The following NMNAT2 variants were observed in gnomAD, a reference collection of about 807,000 sequenced individuals.
NMNAT2 encodes nicotinamide nucleotide adenylyltransferase 2, also known as nicotinamide/nicotinic acid mononucleotide adenylyltransferase 2.
Under a neutral mutation model 41.6 loss-of-function variants are expected in NMNAT2, and 11 were observed. The observed-to-expected ratio is 0.26, with a 90% CI of 0.17 to 0.44. The LOEUF (loss-of-function observed/expected upper bound fraction) is 0.44, where lower values mean the gene tolerates loss of function less well. Ranked by LOEUF, NMNAT2 falls within the 20% of genes least tolerant of loss-of-function variation. The pLI, the probability that NMNAT2 is intolerant of heterozygous loss-of-function variation, is 1.00. For missense variants in NMNAT2, 288 were observed against 407.7 expected, an observed-to-expected ratio of 0.71 and a Z score of 2.53; for synonymous variants, 148 against 151.2, an observed-to-expected ratio of 0.98 and a Z score of 0.16.
intron 1 of NMNAT2, among the ~76,000 whole-genome samples, chr1:183,343,136 C>A (rs1401888620): frequency 6.6e-6 from 1 of 152,134 alleles, no homozygotes; most frequent in South Asian, 2.1e-4. Context: ...ACCCCTGGGC[C>A]TTTGAGGCCA....
At chr1:183,269,260 A>C (rs1259228162) in intron 8 of NMNAT2, among the ~76,000 whole-genome samples, 1 of 152,220 alleles carries the variant, frequency 6.6e-6, no homozygotes, top group Non-Finnish European at 1.5e-5. Flanking sequence ...TGTTTAAATA[A>C]ACTAGGCGGG....
intron 1 of NMNAT2, among the ~76,000 whole-genome samples, chr1:183,415,379 G>T (rs1649226148): frequency 6.6e-6 from 1 of 152,148 alleles, no homozygotes; most frequent in South Asian, 2.1e-4. Flanking sequence ...ATAAATAACT[G>T]GTTTCTTTAG....
In NMNAT2 at chr1:183,346,745, G is replaced by A. The variant is rs147456290; in HGVS notation, c.86-52952C>T. Among the ~76,000 whole-genome samples the A allele has an allele frequency of 3.9e-3, 593 of 152,136 alleles. 1 individual carries two copies. The highest frequency in any genetic ancestry group is 6.7e-3 in the Non-Finnish European group (456 of 68,000). On this transcript the variant is annotated intron_variant, in intron 1 of 10. Coordinates refer to ENST00000287713, the MANE Select transcript of NMNAT2 (RefSeq NM_015039.4). ...ACCAATTTCCTCTGCTCAGCTCATCGGAACACTCATTCTGTTTCACAGAAC... is the reference window on the plus strand; with the variant it reads ...ACCAATTTCCTCTGCTCAGCTCATCAGAACACTCATTCTGTTTCACAGAAC...
At chr1:183,276,304 A>G (rs548001) in intron 8 of NMNAT2, among the ~76,000 whole-genome samples, 147,406 of 152,282 alleles carry the variant, frequency 0.97, 71,539 homozygotes, top group East Asian at 1. Flanking sequence ...AACAGCTACT[A>G]GTTTCTCAGA....
intron 1 of NMNAT2, among the ~76,000 whole-genome samples, chr1:183,373,147 C>T (rs559515490): frequency 7.9e-5 from 12 of 152,226 alleles, no homozygotes; most frequent in Non-Finnish European, 1.3e-4. Flanking sequence ...GAGGCCCAGG[C>T]CATTCCCTCC....
chr1:183,415,409 A>T (rs1487942914), intron 1 of NMNAT2, among the ~76,000 whole-genome samples: 1 of 152,238 alleles, frequency 6.6e-6, no homozygotes, highest in Non-Finnish European at 1.5e-5. Flanking sequence ...AAAGATCTTA[A>T]GGAAAAGCAC....
At chr1:183,344,199 A>C (rs1284428811) in intron 1 of NMNAT2, among the ~76,000 whole-genome samples, 1 of 152,212 alleles carries the variant, frequency 6.6e-6, no homozygotes, top group Non-Finnish European at 1.5e-5. Flanking sequence ...ATTATGTGTT[A>C]GCACTGTGCT....
chr1:183,363,703 T>A (rs188030490), intron 1 of NMNAT2, among the ~76,000 whole-genome samples: 1 of 152,116 alleles, frequency 6.6e-6, no homozygotes, highest in Non-Finnish European at 1.5e-5. Context: ...AGGAATTGAA[T>A]TGTAACCCCT....
chr1:183,292,297 G>T (rs1026314553), intron 3 of NMNAT2, among the ~76,000 whole-genome samples: 1 of 152,228 alleles, frequency 6.6e-6, no homozygotes, highest in African/African-American at 2.4e-5. Context: ...CCACCCAGTG[G>T]GTGTGATTTG....
Position 183,389,797 on chromosome 1 carries a change from A to G in NMNAT2, c.85+28386T>C, listed in dbSNP as rs929491461. On this transcript the variant is annotated intron_variant, in intron 1 of 10. Transcript: ENST00000287713. The stretch of plus-strand genomic sequence containing the variant: ...GAAAGAAAGAAAGAAAGAAAGAAAG[A>G]AAGAAAGAAAGAAAGAAAGAAAGAA... Among the ~76,000 whole-genome samples, 14 of 79,036 alleles carry G rather than the reference A, an allele frequency of 1.8e-4. 1 individual carries two copies. The highest frequency in any genetic ancestry group is 4.5e-4 in the South Asian group (1 of 2,216). The allele number at this position is 79,036 out of a possible 152,430, so 51.9% of individuals were successfully genotyped here. A position where few individuals can be genotyped will look rare whatever the true frequency, so the allele number is the denominator to read the frequency against.
At chr1:183,302,928 G>A (rs561655215) in intron 1 of NMNAT2, among the ~76,000 whole-genome samples, 2 of 152,050 alleles carry the variant, frequency 1.3e-5, no homozygotes, top group Non-Finnish European at 1.5e-5. Flanking sequence ...AGTGTGCCCC[G>A]TCCTCTTGGG....
At chr1:183,302,580 A>G (rs1661885213) in intron 1 of NMNAT2, among the ~76,000 whole-genome samples, 1 of 152,170 alleles carries the variant, frequency 6.6e-6, no homozygotes, top group African/African-American at 2.4e-5. Flanking sequence ...CACACTTTTC[A>G]AATGCAAACC....
intron 1 of NMNAT2, among the ~76,000 whole-genome samples, chr1:183,341,523 C>CAAAAAAA (rs33955752): frequency 1.2e-5 from 1 of 81,368 alleles, no homozygotes; most frequent in Non-Finnish European, 2.3e-5. Flanking sequence ...ACAAAAAATG[C>CAAAAAAA]AAAAAAAAAA....
chr1:183,410,598 C>A (rs552238289), intron 1 of NMNAT2, among the ~76,000 whole-genome samples: 15 of 152,142 alleles, frequency 9.9e-5, no homozygotes, highest in African/African-American at 3.6e-4. Flanking sequence ...CCCCTTCCAA[C>A]CTGTTTTCTG....
chr1:183,342,972 AAAC>A (rs1373963467), intron 1 of NMNAT2, among the ~76,000 whole-genome samples: 30 of 151,888 alleles, frequency 2.0e-4, no homozygotes, highest in Admixed American at 1.3e-3. Flanking sequence ...GGCTGGCCTC[AAAC>A]AATCCTCCCA....
rs1049585408 is a variant in NMNAT2, at chr1:183,369,241, CT to C, written c.85+48941del. On this transcript the variant is annotated intron_variant, in intron 1 of 10. Coordinates refer to ENST00000287713, the MANE Select transcript of NMNAT2 (RefSeq NM_015039.4). ...CCCCAAATCCTTTGAGGAAGGTATT[CT>C]TTTTTTTTTTCTTTTCTTTTCTTTT... 5.4e-3 allele frequency among the ~76,000 whole-genome samples: 738 copies of C among 136,488 alleles called. 5 individuals carry two copies. Among genetic ancestry groups the C allele is most frequent in the African/African-American group, 9.6e-3 (354 of 36,914 alleles). 89.5% of individuals were successfully genotyped at this position (136,488 alleles called of 152,430 possible). A position where few individuals can be genotyped will look rare whatever the true frequency, so the allele number is the denominator to read the frequency against.
rs927830292 is a variant in NMNAT2, at chr1:183,251,946, T to C, written c.*695A>G. On this transcript the variant is annotated 3_prime_UTR_variant, in exon 11 of 11. Transcript: ENST00000287713. ...ACGCATGTGTGCGTGTGTGTGTGTG[T>C]GCGTGTGTGTGGTGCTGAAGAAGTG... is the stretch of plus-strand genomic sequence containing the variant. 10 of 156,034 alleles carry C rather than the reference T, an allele frequency of 6.4e-5. No individual in the cohort carries two copies. Among genetic ancestry groups the C allele is most frequent in the South Asian group, 1.9e-4 (1 of 5,370 alleles). The allele number at this position is 156,034 out of a possible 1,614,324, so 9.7% of individuals were successfully genotyped here. A position where few individuals can be genotyped will look rare whatever the true frequency, so the allele number is the denominator to read the frequency against.
chr1:183,361,706 G>A (rs1663310093), intron 1 of NMNAT2, among the ~76,000 whole-genome samples: 1 of 152,098 alleles, frequency 6.6e-6, no homozygotes, highest in South Asian at 2.1e-4. Context: ...AATATTACTT[G>A]TATTTTGTGA....
intron 1 of NMNAT2, among the ~76,000 whole-genome samples, chr1:183,346,616 G>A (rs1384153126): frequency 6.6e-6 from 1 of 152,172 alleles, no homozygotes; most frequent in Non-Finnish European, 1.5e-5. Context: ...GGCATGATAA[G>A]GAAGTCTCCT....
Sources: gnomAD v4.1 joint callset for allele counts (sites outside exome capture counted in the v4.1 genomes callset) on GRCh38, gnomAD v4.1.1 for gene constraint, MANE v1.5 for transcripts, NCBI Gene and HGNC (gene_info 2026-07-23, HGNC 2026-07-21) for gene names.